Variants in STXBP5L observed in about 807,000 individuals in gnomAD.
STXBP5L encodes the protein syntaxin-binding protein 5-like.
A neutral mutation model predicts 144.5 loss-of-function variants in STXBP5L; 65 were observed. The ratio of observed to expected loss-of-function variants is 0.45; its 90% CI spans 0.37 to 0.55. STXBP5L has a LOEUF of 0.55. STXBP5L is among the 20% of genes least tolerant of loss of function. The probability of loss-of-function intolerance (pLI) is 0.00; values close to 1 mark genes in which losing one functional copy is unlikely to be tolerated. For missense variants in STXBP5L, 1,298 were observed against 1,405.5 expected, an observed-to-expected ratio of 0.92 and a Z score of 1.22; for synonymous variants, 505 against 469.6, an observed-to-expected ratio of 1.08 and a Z score of -0.97.
intron 3 of STXBP5L, among the ~76,000 whole-genome samples, chr3:121,039,091 T>G (rs901344425): frequency 1.3e-5 from 2 of 152,012 alleles, no homozygotes; most frequent in African/African-American, 4.8e-5. Context: ...TTACACTGTT[T>G]GCATTTAGTG....
chr3:120,977,039 G>C lies in STXBP5L; in HGVS notation c.287+22002G>C, dbSNP rs185833259. Among the ~76,000 whole-genome samples the C allele has an allele frequency of 9.6e-3, 1,465 of 152,264 alleles. 9 individuals are homozygous for C. Among genetic ancestry groups the C allele is most frequent in the Non-Finnish European group, 0.015 (996 of 68,012 alleles). On this transcript the variant is annotated intron_variant, in intron 3 of 26. Coordinates refer to ENST00000471454, the MANE Select transcript of STXBP5L (RefSeq NM_001308330.2). ...ATATTCTGTTGATTTGGGGTGGAGA[G>C]TTCTGTAGATGTCTATTAGGTCCAC...
In STXBP5L at chr3:120,951,567, C is replaced by G. The variant is rs139073082; in HGVS notation, c.190-3373C>G. On this transcript the variant is annotated intron_variant, in intron 2 of 26. Transcript: ENST00000471454. ...ACACATGAAAAAATGCTCACCATCACTGGCCATCGGAGAAATGCAAATCAG... is the reference window on the plus strand; with the variant it reads ...ACACATGAAAAAATGCTCACCATCAGTGGCCATCGGAGAAATGCAAATCAG... Among the ~76,000 whole-genome samples, 825 of 152,292 alleles carry G rather than the reference C, an allele frequency of 5.4e-3. 12 individuals are homozygous for G. The highest frequency in any genetic ancestry group is 0.019 in the African/African-American group (791 of 41,548).
At chr3:121,018,543 A>AAC (rs1945306522) in intron 3 of STXBP5L, among the ~76,000 whole-genome samples, 1 of 148,332 alleles carries the variant, frequency 6.7e-6, no homozygotes, top group African/African-American at 2.5e-5. Context: ...AAAAAAAAAA[A>AAC]AATGCAGACA....
At chr3:121,355,056 G>A (rs891389810) in intron 20 of STXBP5L, among the ~76,000 whole-genome samples, 15 of 152,184 alleles carry the variant, frequency 9.9e-5, no homozygotes, top group South Asian at 2.1e-4. Flanking sequence ...CAAGAGATCC[G>A]CTGTTAGTCT....
intron 3 of STXBP5L, among the ~76,000 whole-genome samples, chr3:120,975,247 G>A (rs577378961): frequency 6.6e-6 from 1 of 152,254 alleles, no homozygotes; most frequent in East Asian, 1.9e-4. Context: ...TCTCCTTGAA[G>A]AGGTCCTTCA....
At chr3:121,095,569 T>C (rs1278408797) in intron 5 of STXBP5L, among the ~76,000 whole-genome samples, 1 of 152,252 alleles carries the variant, frequency 6.6e-6, no homozygotes, top group Non-Finnish European at 1.5e-5. Flanking sequence ...TTCTTCCAGC[T>C]GATCGAATCG....
At chr3:121,361,120 T>C (rs2045700155) in intron 20 of STXBP5L, among the ~76,000 whole-genome samples, 1 of 152,216 alleles carries the variant, frequency 6.6e-6, no homozygotes. Context: ...TACTACTTTC[T>C]CCTATCCTGT....
At chr3:120,989,253 A>C (rs1942598821) in intron 3 of STXBP5L, among the ~76,000 whole-genome samples, 1 of 152,140 alleles carries the variant, frequency 6.6e-6, no homozygotes, top group Non-Finnish European at 1.5e-5. Flanking sequence ...TCCAACAAGC[A>C]ATGTATAATT....
intron 2 of STXBP5L, among the ~76,000 whole-genome samples, chr3:120,917,203 CAAAT>C (rs1170989691): frequency 6.6e-6 from 1 of 152,058 alleles, no homozygotes; most frequent in Non-Finnish European, 1.5e-5. Context: ...AAACAACAAA[CAAAT>C]AACACAGAAT....
rs376048159 is a variant in STXBP5L at position 121,005,885 on chromosome 3, C to G, written c.288-35815C>G. On this transcript the variant is annotated intron_variant, in intron 3 of 26. Coordinates refer to ENST00000471454, the MANE Select transcript of STXBP5L (RefSeq NM_001308330.2). The stretch of plus-strand genomic sequence containing the variant: ...TTTTGAGTGAGTTTCTTAATCCTGA[C>G]TTCTAGTTTGATTGCACTGTGGTCT... Among the ~76,000 whole-genome samples, 436 of 152,092 alleles carry G rather than the reference C, an allele frequency of 2.9e-3. 3 individuals carry two copies. The highest frequency in any genetic ancestry group is 8.1e-3 in the Admixed American group (124 of 15,238).
chr3:121,298,820 G>T (rs2051767884), intron 19 of STXBP5L, among the ~76,000 whole-genome samples: 1 of 152,224 alleles, frequency 6.6e-6, no homozygotes, highest in South Asian at 2.1e-4. Context: ...AGATGAACAA[G>T]TTCTAAATAT....
chr3:121,191,820 C>A (rs2047697650), intron 9 of STXBP5L, among the ~76,000 whole-genome samples: 1 of 152,000 alleles, frequency 6.6e-6, no homozygotes, highest in Non-Finnish European at 1.5e-5. Flanking sequence ...AAGCTGGAAA[C>A]CATCACTCAG....
At chr3:120,980,810 T>G (rs1438421447) in intron 3 of STXBP5L, among the ~76,000 whole-genome samples, 1 of 152,226 alleles carries the variant, frequency 6.6e-6, no homozygotes, top group Admixed American at 6.5e-5. Flanking sequence ...TCTATAAGTT[T>G]TTTATATTCC....
In STXBP5L at chr3:121,259,142, T is replaced by G. The variant is rs772479933; in HGVS notation, c.1932T>G (p.Ser644Arg). Residue 644 changes from serine (S) to arginine (R), a missense_variant, in exon 18 of 27, where the codon AGT becomes AGG. By Grantham distance (110) the Ser-to-Arg change is moderately radical. Coordinates refer to ENST00000471454, the MANE Select transcript of STXBP5L (RefSeq NM_001308330.2). ...GTGAACCTCCACAACAGATTACTAG[T>G]CTTGCTGTAAGCTCAGCATATGGAA... Reference protein sequence around the residue: ...VDGEPPQQITSLAVSSAYGIV... With the variant: ...VDGEPPQQITRLAVSSAYGIV... The G allele has an allele frequency of 6.3e-7, 1 of 1,595,232 alleles. No individual in the cohort carries two copies. Among genetic ancestry groups the G allele is most frequent in the South Asian group, 1.1e-5 (1 of 87,022 alleles).
At chr3:121,189,422 T>C (rs1475400269) in intron 9 of STXBP5L, among the ~76,000 whole-genome samples, 4 of 152,200 alleles carry the variant, frequency 2.6e-5, no homozygotes, top group Admixed American at 2.6e-4. Context: ...AGGGATCCAG[T>C]TTCAGCTCTC....
chr3:120,922,706 A>G (rs1467858205), intron 2 of STXBP5L, among the ~76,000 whole-genome samples: 1 of 152,062 alleles, frequency 6.6e-6, no homozygotes, highest in Non-Finnish European at 1.5e-5. Flanking sequence ...CTTTTTCTGC[A>G]TCTATTAAAA....
intron 5 of STXBP5L, among the ~76,000 whole-genome samples, chr3:121,066,030 A>T (rs1266975816): frequency 6.6e-6 from 1 of 152,136 alleles, no homozygotes; most frequent in Non-Finnish European, 1.5e-5. Context: ...TACAAGATGG[A>T]GGTCGTAATC....
intron 11 of STXBP5L, among the ~76,000 whole-genome samples, chr3:121,225,496 C>G (rs1174051142): frequency 6.6e-6 from 1 of 151,870 alleles, no homozygotes; most frequent in Non-Finnish European, 1.5e-5. Flanking sequence ...AATTCTTTCC[C>G]AGGAGCTGTA....
chr3:120,959,963 C>G (rs1576491193), intron 3 of STXBP5L, among the ~76,000 whole-genome samples: 2 of 152,136 alleles, frequency 1.3e-5, no homozygotes, highest in East Asian at 3.8e-4. Context: ...TCAGAATGAA[C>G]AGGCAACCTA....
Sources: allele counts gnomAD v4.1 joint callset (sites outside exome capture counted in the v4.1 genomes callset), GRCh38; gene constraint gnomAD v4.1.1; transcripts MANE v1.5; gene names NCBI Gene and HGNC (gene_info 2026-07-23, HGNC 2026-07-21).